The following PDE1B variants were observed in gnomAD, a reference collection of about 807,000 sequenced individuals.
The protein encoded by PDE1B is dual specificity calcium/calmodulin-dependent 3',5'-cyclic nucleotide phosphodiesterase 1B.
In PDE1B, 13 loss-of-function variants were observed where a neutral mutation model predicts 66.7. The ratio of observed to expected loss-of-function variants is 0.19; its 90% CI spans 0.13 to 0.31. The LOEUF is 0.31. PDE1B is among the 10% of genes least tolerant of loss of function. PDE1B has a pLI of 1.00. For synonymous variants in PDE1B, 230 were observed against 253.9 expected, an observed-to-expected ratio of 0.91 and a Z score of 0.90; for missense variants, 485 against 682.3, an observed-to-expected ratio of 0.71 and a Z score of 3.22.
At chr12:54,562,053 T>A (rs1389370049) in intron 2 of PDE1B, among the ~76,000 whole-genome samples, 1 of 152,082 alleles carries the variant, frequency 6.6e-6, no homozygotes, top group Non-Finnish European at 1.5e-5. Context: ...TCCTTCAGAG[T>A]TAGAATCTCC....
Position 54,569,558 on chromosome 12 carries a change from A to C in PDE1B, c.423A>C (p.Arg141Ser). The change falls in exon 5 of 16, where the codon AGA becomes AGC. Residue 141 changes from arginine (R) to serine (S), a missense_variant. Arg to Ser is a moderately radical substitution (Grantham distance 110). Transcript: ENST00000243052. This position sits in a 1 kb window ranked among gnomAD's most constrained non-coding sequence, Gnocchi z 4.4. The stretch of plus-strand genomic sequence containing the variant: ...TGTTCTCTCTCAGGATGTTCCGGAG[A>C]ACATACACCTCTGTGGGCCCCACTT... ...AGIFVERMFR[R>S]TYTSVGPTYS... is the part of the protein sequence containing the mutation. The C allele has an allele frequency of 1.9e-6, 3 of 1,613,624 alleles. No individual in the cohort carries two copies. The highest frequency in any genetic ancestry group is 2.5e-6 in the Non-Finnish European group (3 of 1,179,548).
At position 54,573,371 on chromosome 12, in the gene PDE1B, G is replaced by C. The variant is rs757637874; in HGVS notation, c.853G>C (p.Val285Leu). The change falls in exon 9 of 16, where the codon GTG (valine) becomes CTG (leucine). Residue 285 changes from valine to leucine, a missense_variant. By Grantham distance (32) the Val-to-Leu change is conservative (BLOSUM62 1). Around this residue, in one of 4 missense-constraint regions of PDE1B, gnomAD observed 282 missense variants for 453.4 expected, o/e 0.62. Transcript: ENST00000243052. The surrounding 1 kb of genome is among the most constrained non-coding windows in gnomAD (Gnocchi z 5.2). ...GCTTTGTAGGTCAGAATGTGCCATC[G>C]TGTACAATGATCGTTCAGTGCTGGA... ...HIQTKSECAI[V>L]YNDRSVLENH... is the part of the protein sequence containing the mutation. 6.2e-7 allele frequency: 1 copy of C among 1,614,150 alleles called. No individual in the cohort carries two copies. The highest frequency in any genetic ancestry group is 1.7e-5 in the Admixed American group (1 of 60,024).
At chr12:54,551,103 T>C (rs965240736) in intron 2 of PDE1B, among the ~76,000 whole-genome samples, 2 of 152,186 alleles carry the variant, frequency 1.3e-5, no homozygotes, top group South Asian at 4.1e-4. Flanking sequence ...TCCTCCTCAA[T>C]GTTCTCCATA....
In PDE1B at chr12:54,570,349, C is replaced by G. The variant is rs1258824137; in HGVS notation, c.586C>G (p.Arg196Gly). Residue 196 changes from arginine to glycine, a missense_variant, in exon 6 of 16, where the codon CGC (arginine) becomes GGC (glycine). By Grantham distance (125) the Arg-to-Gly change is moderately radical. Around this residue, in one of 4 missense-constraint regions of PDE1B, gnomAD observed 282 missense variants for 453.4 expected, o/e 0.62. Transcript: ENST00000243052. The part of the protein sequence containing the change: ...ELLTRHNLIS[R>G]FKIPTVFLMS... ...GCTGACTCGGCATAACCTCATCAGCCGCTTCAAGGTTGGGCAGCATCCTAC... is the reference window on the plus strand; with the variant it reads ...GCTGACTCGGCATAACCTCATCAGCGGCTTCAAGGTTGGGCAGCATCCTAC... The G allele has an allele frequency of 3.8e-6, 6 of 1,599,474 alleles. No homozygotes were observed. In the Admixed American group the frequency reaches 1.0e-4, roughly 27 times the overall value.
chr12:54,577,124 G>GT, intron 14 of PDE1B, 101 bp from the exon 15 acceptor site: 2 of 1,003,814 alleles, frequency 2.0e-6, no homozygotes, highest in Non-Finnish European at 3.0e-6. Flanking sequence ...TTGAAGGCAG[G>GT]TTGATGGATG....
intron 2 of PDE1B, among the ~76,000 whole-genome samples, chr12:54,555,481 G>A (rs1429056124): frequency 6.6e-6 from 1 of 152,146 alleles, no homozygotes; most frequent in Non-Finnish European, 1.5e-5. Context: ...GGGATGCATG[G>A]GACTAGAAGG....
intron 10 of PDE1B, 172 bp from the exon 11 acceptor site, chr12:54,574,923 TGAG>T (rs755355763): frequency 1.3e-4 from 65 of 491,080 alleles, no homozygotes; most frequent in Non-Finnish European, 2.1e-4. Flanking sequence ...TGCAGTGAGC[TGAG>T]ATTGTGCCAC....
chr12:54,557,730 T>A (rs1957360246), intron 2 of PDE1B, among the ~76,000 whole-genome samples: 1 of 152,212 alleles, frequency 6.6e-6, no homozygotes, highest in African/African-American at 2.4e-5. Context: ...AAGCAGGGCA[T>A]CTGCTGGGAA....
At chr12:54,561,479 C>G in intron 2 of PDE1B, 1 of 1,371,890 alleles carries the variant, frequency 7.3e-7, no homozygotes, top group Non-Finnish European at 9.5e-7. Flanking sequence ...CTACTGGGAC[C>G]TGGAGGAGGA....
chr12:54,578,549 G>C lies in PDE1B; in HGVS notation c.*707G>C, dbSNP rs555090173. The C allele has an allele frequency of 6.6e-6, 1 of 152,368 alleles. No individual in the cohort carries two copies. The highest frequency in any genetic ancestry group is 1.9e-4 in the East Asian group (1 of 5,180). 9.4% of individuals were successfully genotyped at this position (152,368 alleles called of 1,614,324 possible). A position where few individuals can be genotyped will look rare whatever the true frequency, so the allele number is the denominator to read the frequency against. On this transcript the variant is annotated 3_prime_UTR_variant, in exon 16 of 16. Transcript: ENST00000243052. ...GGGCAAAAGGAGCCATTGTGACCAGGGGCTGCGGGAGGCCTTTCCTGGGAC... is the reference window on the plus strand; with the variant it reads ...GGGCAAAAGGAGCCATTGTGACCAGCGGCTGCGGGAGGCCTTTCCTGGGAC...
At chr12:54,550,310 C>T (rs770857895) in intron 2 of PDE1B, 14 of 1,042,538 alleles carry the variant, frequency 1.3e-5, no homozygotes, top group Non-Finnish European at 1.5e-5. Flanking sequence ...AGTAGAGGTG[C>T]CAGGCTGACT....
intron 2 of PDE1B, among the ~76,000 whole-genome samples, chr12:54,564,215 C>A (rs1485770662): frequency 6.6e-6 from 1 of 151,984 alleles, no homozygotes; most frequent in African/African-American, 2.4e-5. Flanking sequence ...CTGGCAGGAC[C>A]TTCTCTTATT....
intron 10 of PDE1B, chr12:54,574,007 G>A (rs1215211173): frequency 7.5e-6 from 3 of 399,766 alleles, no homozygotes; most frequent in Non-Finnish European, 1.4e-5. Flanking sequence ...CTCTGGGACA[G>A]GCTTACTCTG....
intron 2 of PDE1B, chr12:54,554,243 C>A (rs1014018214): frequency 6.6e-6 from 1 of 152,182 alleles, no homozygotes; most frequent in African/African-American, 2.4e-5. Flanking sequence ...TTCTATGGTT[C>A]TTACCAGTTT....
chr12:54,569,604 T>C lies in PDE1B; in HGVS notation c.469T>C (p.Cys157Arg). Residue 157 changes from cysteine to arginine, a missense_variant, in exon 5 of 16, where the codon TGT (cysteine) becomes CGT (arginine). Around this residue, in one of 4 missense-constraint regions of PDE1B, gnomAD observed 282 missense variants for 453.4 expected, o/e 0.62. Transcript: ENST00000243052. The surrounding 1 kb of genome is among the most constrained non-coding windows in gnomAD (Gnocchi z 4.4). ...GPTYSTAVLN[C>R]LKNLDLWCFD... ...CACTTACTCTACTGCGGTTCTCAAC[T>C]GTCTCAAGGTAATCTCTGGGTTTTT... The C allele has an allele frequency of 1.9e-6, 3 of 1,611,800 alleles. No homozygotes were observed. Among genetic ancestry groups the C allele is most frequent in the Non-Finnish European group, 8.5e-7 (1 of 1,177,848 alleles).
In PDE1B at chr12:54,572,717, C is replaced by T. The variant is rs1175192847; in HGVS notation, c.711C>T (p.Cys237=). The T allele has an allele frequency of 6.2e-7, 1 of 1,614,194 alleles. No individual in the cohort carries two copies. Among genetic ancestry groups the T allele is most frequent in the African/African-American group, 1.3e-5 (1 of 75,068 alleles). The change falls in exon 7 of 16, where the codon TGC becomes TGT. Residue 237 remains cysteine, a synonymous_variant. Coordinates refer to ENST00000243052, the MANE Select transcript of PDE1B (RefSeq NM_000924.4). ...HAADVTQTVH[C]FLLRTGMVHC... is the part of the protein sequence containing the mutation. Reference sequence around the variant, plus strand: ...CCGATGTTACCCAGACAGTCCATTGCTTCTTGCTCCGCACAGGGATGGTGG... The same window carrying T: ...CCGATGTTACCCAGACAGTCCATTGTTTCTTGCTCCGCACAGGGATGGTGG...
Position 54,569,043 on chromosome 12 carries a change from A to T in PDE1B, c.228-141A>T, listed in dbSNP as rs944257333. 7.3e-7 allele frequency: 1 copy of T among 1,374,488 alleles called. No homozygotes were observed. The highest frequency in any genetic ancestry group is 9.7e-7 in the Non-Finnish European group (1 of 1,029,972). The allele number at this position is 1,374,488 out of a possible 1,614,324, so 85.1% of individuals were successfully genotyped here. A position where few individuals can be genotyped will look rare whatever the true frequency, so the allele number is the denominator to read the frequency against. On this transcript the variant is annotated intron_variant, in intron 3 of 15. Coordinates refer to ENST00000243052, the MANE Select transcript of PDE1B (RefSeq NM_000924.4). This position sits in a 1 kb window ranked among gnomAD's most constrained non-coding sequence, Gnocchi z 4.4. ...ATGTTAGATAAAGAAATAAAAAGAT[A>T]TAGAGAAAGAAAGGAAACAGGGTTG...
Position 54,573,079 on chromosome 12 carries a change from G to C in PDE1B, c.736-69G>C. 3 of 1,095,606 alleles carry C rather than the reference G, an allele frequency of 2.7e-6. No homozygotes were observed. The South Asian group carries it at 3.8e-5, about 14-fold the overall frequency. The allele number at this position is 1,095,606 out of a possible 1,614,324, so 67.9% of individuals were successfully genotyped here. ...GGATGGGATGAGTGATCTAGCCTGT[G>C]TGTGGAGGTTCCTGGGAAGTGACCA... On this transcript the variant is annotated intron_variant, in intron 7 of 15. Transcript: ENST00000243052. This position sits in a 1 kb window ranked among gnomAD's most constrained non-coding sequence, Gnocchi z 5.2.
intron 3 of PDE1B, among the ~76,000 whole-genome samples, chr12:54,568,829 T>A (rs926429745): frequency 3.3e-5 from 5 of 152,220 alleles, no homozygotes; most frequent in Admixed American, 1.3e-4. Flanking sequence ...CAATTTCACC[T>A]ATTTCTCTTT....
Sources: gnomAD v4.1 joint callset for allele counts (sites outside exome capture counted in the v4.1 genomes callset) on GRCh38, gnomAD v4.1.1 for gene constraint, gnomAD v4.1.1 regional missense constraint, Gnocchi (gnomAD v3.1) non-coding constraint, MANE v1.5 for transcripts, NCBI Gene and HGNC (gene_info 2026-07-23, HGNC 2026-07-21) for gene names.